The following TTC6 variants were observed in gnomAD, a reference collection of about 807,000 sequenced individuals.
TTC6 encodes tetratricopeptide repeat protein 6.
In TTC6, 172 loss-of-function variants were observed where a neutral mutation model predicts 210.4. That is an observed-to-expected ratio of 0.82 (90% CI 0.72 to 0.93). TTC6 has a LOEUF of 0.93. Ranked by LOEUF, TTC6 falls within the 40% of genes least tolerant of loss-of-function variation. The probability of loss-of-function intolerance (pLI) is 0.00; values close to 1 mark genes in which losing one functional copy is unlikely to be tolerated. For synonymous variants in TTC6, 804 were observed against 819.6 expected (o/e 0.98, Z 0.32); for missense variants, 2,414 against 2,318.1 (o/e 1.04, Z -0.85).
chr14:37,638,563 A>C (rs2095685422), intron 1 of TTC6, among the ~76,000 whole-genome samples: 1 of 122,528 alleles, frequency 8.2e-6, no homozygotes, highest in South Asian at 2.7e-4. Flanking sequence ...CCTATATAAT[A>C]TTCTTCAAAT....
At chr14:37,747,008 A>G (rs535134054) in intron 10 of TTC6, among the ~76,000 whole-genome samples, 37 of 152,328 alleles carry the variant, frequency 2.4e-4, no homozygotes, top group South Asian at 2.1e-3. Context: ...GAGGGTACTT[A>G]ATAGATACTG....
chr14:37,722,359 TG>T (rs1345386064), intron 6 of TTC6, among the ~76,000 whole-genome samples: 11 of 152,132 alleles, frequency 7.2e-5, no homozygotes, highest in Non-Finnish European at 1.3e-4. Context: ...CAATTTACCA[TG>T]GTTAGTCTTA....
At position 37,787,573 on chromosome 14, in the gene TTC6, T is replaced by G. The variant is rs1178827763; in HGVS notation, c.3372T>G (p.Tyr1124Ter). 2 of 1,525,952 alleles carry G rather than the reference T, an allele frequency of 1.3e-6. No individual in the cohort carries two copies. Among genetic ancestry groups the G allele is most frequent in the Admixed American group, 3.9e-5 (2 of 50,880 alleles). The allele number at this position is 1,525,952 out of a possible 1,614,324, so 94.5% of individuals were successfully genotyped here. ...ATCCTAATAACTGGTTAGCGTTGTA[T>G]TATCGAGGTTGCTTATTCAGAAAGA... The change falls in exon 15 of 31, where the codon TAT becomes TAG. Residue 1124 changes from tyrosine to a stop codon, truncating the protein, a stop_gained. Coordinates refer to ENST00000553443, the Ensembl canonical transcript of TTC6. LOFTEE classifies it high-confidence loss of function.
chr14:37,599,580 A>G (rs1027247938), intron 1 of TTC6, among the ~76,000 whole-genome samples: 1 of 152,052 alleles, frequency 6.6e-6, no homozygotes, highest in African/African-American at 2.4e-5. Flanking sequence ...CCGGGCGCGG[A>G]CCTAGCTCAC....
intron 1 of TTC6, among the ~76,000 whole-genome samples, chr14:37,597,675 T>A (rs2095607147): frequency 6.6e-6 from 1 of 152,194 alleles, no homozygotes; most frequent in Admixed American, 6.5e-5. Context: ...CTTCGGAGAC[T>A]TGATCCAGGT....
chr14:37,814,767 T>A (rs2096137623), intron 25 of TTC6, among the ~76,000 whole-genome samples: 5 of 151,814 alleles, frequency 3.3e-5, no homozygotes, highest in Admixed American at 3.3e-4. Context: ...TTAAAACAAC[T>A]AAAAAAAGAT....
intron 14 of TTC6, among the ~76,000 whole-genome samples, chr14:37,766,656 T>C (rs1375858277): frequency 2.0e-5 from 3 of 152,128 alleles, no homozygotes; most frequent in Non-Finnish European, 4.4e-5. Flanking sequence ...ATTGTGAAAA[T>C]TGCTTCAGTG....
chr14:37,807,263 G>A lies in TTC6; in HGVS notation c.4315-57G>A, dbSNP rs1595294654. Reference sequence around the variant, plus strand: ...GTTCCAAGTAGCATATATTTTGGTAGAATTGGTGCTTTTACTAAAGCATCC... The same window carrying A: ...GTTCCAAGTAGCATATATTTTGGTAAAATTGGTGCTTTTACTAAAGCATCC... On this transcript the variant is annotated intron_variant, in intron 22 of 30. Coordinates refer to ENST00000553443, the Ensembl canonical transcript of TTC6. 1.4e-5 allele frequency: 20 copies of A among 1,392,816 alleles called. No individual in the cohort carries two copies. In the East Asian group the frequency reaches 5.1e-4, roughly 35 times the overall value. 86.3% of individuals were successfully genotyped at this position (1,392,816 alleles called of 1,614,324 possible). A position where few individuals can be genotyped will look rare whatever the true frequency, so the allele number is the denominator to read the frequency against.
chr14:37,725,352 A>ATG, intron 7 of TTC6, among the ~76,000 whole-genome samples: 3 of 125,540 alleles, frequency 2.4e-5, no homozygotes, highest in Non-Finnish European at 3.3e-5. Context: ...ATATATATAT[A>ATG]TATATAATTT....
In TTC6 at chr14:37,680,092, A is replaced by G. The variant is rs2138541287; in HGVS notation, c.940-59A>G. On this transcript the variant is annotated intron_variant, in intron 1 of 30. Coordinates refer to ENST00000553443, the Ensembl canonical transcript of TTC6. ...ATTGACTAGCATTTTAGTATAATGA[A>G]TAATGTGCTTCAATGATTTTAAAAA... The G allele has an allele frequency of 4.1e-6, 4 of 970,076 alleles. No homozygotes were observed. In the South Asian group the frequency reaches 6.2e-5, roughly 15 times the overall value. 60.1% of individuals were successfully genotyped at this position (970,076 alleles called of 1,614,324 possible). A position where few individuals can be genotyped will look rare whatever the true frequency, so the allele number is the denominator to read the frequency against.
At chr14:37,782,644 G>A (rs1454173027) in intron 14 of TTC6, among the ~76,000 whole-genome samples, 1 of 152,022 alleles carries the variant, frequency 6.6e-6, no homozygotes, top group African/African-American at 2.4e-5. Flanking sequence ...AATTGCCCTG[G>A]CCAGAACTTC....
intron 24 of TTC6, among the ~76,000 whole-genome samples, chr14:37,810,817 T>G (rs1170645803): frequency 6.6e-6 from 1 of 152,226 alleles, no homozygotes; most frequent in Non-Finnish European, 1.5e-5. Context: ...CAATTCTGGT[T>G]CTAACACTTT....
intron 10 of TTC6, among the ~76,000 whole-genome samples, chr14:37,739,568 TA>T (rs869033607): frequency 0.051 from 6,247 of 122,342 alleles, 461 homozygotes; most frequent in African/African-American, 0.18. Flanking sequence ...GACTCCATCT[TA>T]AAAAAAAAAA....
intron 1 of TTC6, among the ~76,000 whole-genome samples, chr14:37,601,287 T>C (rs2095615115): frequency 6.6e-6 from 1 of 152,206 alleles, no homozygotes. Context: ...TATTTGTTTA[T>C]TTTTCATTTT....
chr14:37,699,035 G>A (rs1022730556), intron 4 of TTC6, among the ~76,000 whole-genome samples: 2 of 152,252 alleles, frequency 1.3e-5, no homozygotes, highest in East Asian at 3.9e-4. Context: ...ATATTGAGTG[G>A]TCAGTGGACA....
At chr14:37,651,407 AT>A (rs2095711351) in intron 1 of TTC6, among the ~76,000 whole-genome samples, 1 of 16,862 alleles carries the variant, frequency 5.9e-5, no homozygotes, top group South Asian at 2.7e-3. Flanking sequence ...ATATATATAT[AT>A]ATATATATAT....
At chr14:37,773,903 T>C (rs537489022) in intron 14 of TTC6, among the ~76,000 whole-genome samples, 3 of 152,202 alleles carry the variant, frequency 2.0e-5, no homozygotes, top group Non-Finnish European at 2.9e-5. Context: ...GGAATGTTTT[T>C]TTCGTTTGTT....
At chr14:37,829,971 A>G (rs1280801762) in intron 29 of TTC6, among the ~76,000 whole-genome samples, 6 of 152,042 alleles carry the variant, frequency 3.9e-5, no homozygotes, top group Admixed American at 1.3e-4. Flanking sequence ...TCACCAGACT[A>G]TTTGCCAAAC....
Position 37,691,978 on chromosome 14 carries a change from G to A in TTC6, c.1258-4739G>A, listed in dbSNP as rs115926868. ...ACATACAATCTACCAAGATTGAACC[G>A]GAAGAAATACAAAACCTGAACAGAC... On this transcript the variant is annotated intron_variant, in intron 3 of 30. Transcript: ENST00000553443. 6.5e-3 allele frequency among the ~76,000 whole-genome samples: 990 copies of A among 151,656 alleles called. 11 individuals carry two copies. Among genetic ancestry groups the A allele is most frequent in the African/African-American group, 0.023 (947 of 41,372 alleles).
Sources: allele counts gnomAD v4.1 joint callset (sites outside exome capture counted in the v4.1 genomes callset), GRCh38; gene constraint gnomAD v4.1.1; transcripts MANE v1.5; gene names NCBI Gene and HGNC (gene_info 2026-07-23, HGNC 2026-07-21).